ZFAT: variants seen among roughly 807,000 people sequenced by gnomAD.
ZFAT encodes zinc finger and AT-hook domain containing, also known as zinc finger protein ZFAT.
A neutral mutation model predicts 117.7 loss-of-function variants in ZFAT; 64 were observed. The observed-to-expected ratio is 0.54, with a 90% CI of 0.44 to 0.67. ZFAT has a LOEUF of 0.67. Among genes scored for constraint, ZFAT ranks in the 30% least tolerant of loss-of-function variants. The probability of loss-of-function intolerance (pLI) is 0.00; values close to 1 mark genes in which losing one functional copy is unlikely to be tolerated. For synonymous variants in ZFAT, 679 were observed against 615.0 expected (o/e 1.10, Z -1.54); for missense variants, 1,433 against 1,584.5 (o/e 0.90, Z 1.62).
the ZFAT span, among the ~76,000 whole-genome samples, chr8:134,820,857 A>G: frequency 6.6e-6 from 1 of 152,238 alleles, no homozygotes; most frequent in Non-Finnish European, 1.5e-5. Flanking sequence ...TAGTATTTAT[A>G]CACCAGATCA....
intron 1 of ZFAT, among the ~76,000 whole-genome samples, chr8:134,709,421 A>T (rs1813904879): frequency 6.6e-6 from 1 of 152,220 alleles, no homozygotes; most frequent in Non-Finnish European, 1.5e-5. Flanking sequence ...TAGGTCAGGA[A>T]TCTGGTGAGA....
intron 14 of ZFAT, 167 bp from the exon 15 acceptor site, chr8:134,509,916 T>G: frequency 1.2e-6 from 1 of 809,140 alleles, no homozygotes; most frequent in Non-Finnish European, 1.9e-6. Flanking sequence ...TAGTGCTTTA[T>G]AGCTTACAAA....
chr8:134,565,712 T>A (rs148405157), intron 10 of ZFAT: 118 of 487,834 alleles, frequency 2.4e-4, no homozygotes, highest in African/African-American at 2.1e-3. Flanking sequence ...TAAGGGTGTG[T>A]CCAGCTGCCC....
chr8:134,610,433 G>A, intron 4 of ZFAT, 37 bp downstream of exon 4: 1 of 1,588,846 alleles, frequency 6.3e-7, no homozygotes, highest in Non-Finnish European at 8.6e-7. Flanking sequence ...GACTTGCCAA[G>A]GGTCTTGCCT....
At chr8:134,489,543 G>A (rs560583188) in intron 15 of ZFAT, among the ~76,000 whole-genome samples, 9 of 152,140 alleles carry the variant, frequency 5.9e-5, no homozygotes, top group Non-Finnish European at 8.8e-5. Context: ...CCTCCTCAGC[G>A]TCCTCCGTCC....
At chr8:134,570,185 C>T (rs572603210) in intron 10 of ZFAT, among the ~76,000 whole-genome samples, 1 of 152,296 alleles carries the variant, frequency 6.6e-6, no homozygotes, top group African/African-American at 2.4e-5. Context: ...TCTGCTGCCT[C>T]ATCTCCCTCA....
the ZFAT span, among the ~76,000 whole-genome samples, chr8:134,826,141 G>A: frequency 6.6e-6 from 1 of 152,066 alleles, no homozygotes; most frequent in Non-Finnish European, 1.5e-5. Context: ...TCATTTCTGG[G>A]CACATTCCAG....
chr8:134,784,374 A>G, the ZFAT span: 14 of 152,108 alleles, frequency 9.2e-5, no homozygotes, highest in African/African-American at 3.4e-4. Context: ...TGACAAAGTT[A>G]TGTTCTTTCA....
chr8:134,828,637 G>A, the ZFAT span, among the ~76,000 whole-genome samples: 6 of 152,158 alleles, frequency 3.9e-5, no homozygotes, highest in South Asian at 4.2e-4. Flanking sequence ...CATGAAGTAC[G>A]AACTAACCCA....
chr8:134,523,643 G>A (rs1187276686), intron 12 of ZFAT, among the ~76,000 whole-genome samples: 1 of 152,118 alleles, frequency 6.6e-6, no homozygotes, highest in Non-Finnish European at 1.5e-5. Flanking sequence ...ATAAAATCCT[G>A]ACTCCTCCCT....
chr8:134,689,117 T>G (rs1833475851), intron 1 of ZFAT, among the ~76,000 whole-genome samples: 1 of 152,152 alleles, frequency 6.6e-6, no homozygotes, highest in Non-Finnish European at 1.5e-5. Flanking sequence ...CACCCCTCAC[T>G]GCCCATCACC....
chr8:134,553,704 C>T (rs1221636535), intron 11 of ZFAT, among the ~76,000 whole-genome samples: 2 of 152,204 alleles, frequency 1.3e-5, no homozygotes, highest in Non-Finnish European at 1.5e-5. Context: ...CTCTACAGAA[C>T]TAACATTTGA....
intron 2 of ZFAT, among the ~76,000 whole-genome samples, chr8:134,639,392 C>T (rs946578345): frequency 1.3e-5 from 2 of 152,188 alleles, no homozygotes; most frequent in African/African-American, 2.4e-5. Flanking sequence ...AAGATCCAAA[C>T]CAGAGTCCTG....
At chr8:134,772,719 A>G in the ZFAT span, among the ~76,000 whole-genome samples, 584 of 152,292 alleles carry the variant, frequency 3.8e-3, 18 homozygotes, top group East Asian at 0.074. Context: ...TTGGAACAGG[A>G]TGCTATCTGG....
At chr8:134,565,092 T>C in intron 11 of ZFAT, 1 of 1,486,208 alleles carries the variant, frequency 6.7e-7, no homozygotes, top group Non-Finnish European at 9.0e-7. Context: ...CCTTTTCTTC[T>C]GTCTGCATCC....
chr8:134,538,359 C>T lies in ZFAT; in HGVS notation c.2977-5387G>A, dbSNP rs74982563. On this transcript the variant is annotated intron_variant, in intron 11 of 15. Coordinates refer to ENST00000377838, the MANE Select transcript of ZFAT (RefSeq NM_020863.4). ...GGACCTGGCAACCAGGGGGTGGCGC[C>T]GGTGACCTACCAAGAAGAGGTTCAG... Among the ~76,000 whole-genome samples, 38 of 152,112 alleles carry T rather than the reference C, an allele frequency of 2.5e-4. No individual in the cohort carries two copies. The East Asian group carries it at 6.2e-3, about 25-fold the overall frequency.
chr8:134,512,567 T>C lies in ZFAT; in HGVS notation c.3269A>G (p.Gln1090Arg), dbSNP rs772620709. 6.2e-7 allele frequency: 1 copy of C among 1,613,922 alleles called. No homozygotes were observed. Among genetic ancestry groups the C allele is most frequent in the Non-Finnish European group, 8.5e-7 (1 of 1,179,870 alleles). ...TTCGGCCTCTGTGATGTGGAGATAC[T>C]GGGTGGAGGGCTCCTCAGGAGCTTC... is the stretch of plus-strand genomic sequence containing the variant. The part of the protein sequence containing the change: ...ATEAPEEPST[Q>R]YLHITEAEED... Residue 1090 changes from glutamine (Q) to arginine (R), a missense_variant, in exon 14 of 16, where the codon CAG becomes CGG. Gln to Arg is a conservative substitution (Grantham distance 43). Coordinates refer to ENST00000377838, the MANE Select transcript of ZFAT (RefSeq NM_020863.4).
the ZFAT span, among the ~76,000 whole-genome samples, chr8:134,825,952 C>T: frequency 6.7e-6 from 1 of 149,918 alleles, no homozygotes; most frequent in African/African-American, 2.5e-5. Context: ...ACCCGAGAGG[C>T]GGAGCTTGCA....
chr8:134,831,303 T>A, the ZFAT span, among the ~76,000 whole-genome samples: 1 of 152,384 alleles, frequency 6.6e-6, no homozygotes, highest in South Asian at 2.1e-4. Context: ...ATGTATTTCC[T>A]GCATGCACAA....
Sources: gnomAD v4.1 joint callset for allele counts (sites outside exome capture counted in the v4.1 genomes callset) on GRCh38, gnomAD v4.1.1 for gene constraint, MANE v1.5 for transcripts, NCBI Gene and HGNC (gene_info 2026-07-23, HGNC 2026-07-21) for gene names.